The following SEPTIN9 variants were observed in gnomAD, a reference collection of about 807,000 sequenced individuals.
SEPTIN9 encodes septin 9, also known as septin-9.
Under a neutral mutation model 56.6 loss-of-function variants are expected in SEPTIN9, and 13 were observed. The ratio of observed to expected loss-of-function variants is 0.23; its 90% CI spans 0.15 to 0.37. The LOEUF is 0.37. SEPTIN9 is among the 10% of genes least tolerant of loss of function. The probability of loss-of-function intolerance (pLI) is 1.00; values close to 1 mark genes in which losing one functional copy is unlikely to be tolerated. For synonymous variants in SEPTIN9, 332 were observed against 334.1 expected (o/e 0.99, Z 0.07); for missense variants, 650 against 823.1 (o/e 0.79, Z 2.57).
rs1289488254 is a variant in SEPTIN9 at position 77,450,543 on chromosome 17, AG to A, written c.722-31599del. The A allele has an allele frequency of 5.1e-6, 5 of 985,292 alleles. No homozygotes were observed. The highest frequency in any genetic ancestry group is 6.2e-5 in the Admixed American group (1 of 16,260). 61.0% of individuals were successfully genotyped at this position (985,292 alleles called of 1,614,324 possible). Reference sequence around the variant, plus strand: ...CTGGGAGTGACTCACTTGGGTTCAGAGGTCGTGGCACTGAGATGGGTCTGGC... The same window carrying A: ...CTGGGAGTGACTCACTTGGGTTCAGAGTCGTGGCACTGAGATGGGTCTGGC... On this transcript the variant is annotated intron_variant, in intron 3 of 11. Transcript: ENST00000427177. The surrounding 1 kb of genome is among the most constrained non-coding windows in gnomAD (Gnocchi z 6.0).
chr17:77,358,922 C>T (rs1159970719), intron 2 of SEPTIN9, among the ~76,000 whole-genome samples: 1 of 152,160 alleles, frequency 6.6e-6, no homozygotes, highest in Non-Finnish European at 1.5e-5. Flanking sequence ...GTCCAAGTGT[C>T]AGTCGTTATG....
Position 77,307,172 on chromosome 17 carries a change from G to A in SEPTIN9, c.51G>A (p.Arg17=). 6.2e-7 allele frequency: 1 copy of A among 1,613,870 alleles called. No individual in the cohort carries two copies. The highest frequency in any genetic ancestry group is 8.5e-7 in the Non-Finnish European group (1 of 1,179,876). Residue 17 remains arginine, a synonymous_variant, in exon 2 of 12, where the codon CGG becomes CGA. Transcript: ENST00000427177. ...GGTRTSSGRL[R]RLGDSSGPAL... is the part of the protein sequence containing the mutation. ...CGCGGACCTCCAGTGGCCGGCTCCG[G>A]AGGCTTGGTGACTCCAGTGGCCCAG...
At chr17:77,472,605 G>T (rs924598161) in intron 3 of SEPTIN9, 1 of 152,242 alleles carries the variant, frequency 6.6e-6, no homozygotes, top group African/African-American at 2.4e-5. Flanking sequence ...AGTGGAAACC[G>T]GAAAGAGCTC....
chr17:77,401,931 A>G (rs973939363), intron 2 of SEPTIN9, 128 bp from the exon 3 acceptor site: 2 of 871,610 alleles, frequency 2.3e-6, no homozygotes, highest in Admixed American at 2.7e-5. Flanking sequence ...GACATGAAGG[A>G]CGGGAAGAGA....
rs547203428 is a variant in SEPTIN9, at chr17:77,298,225, G to A, written c.20-8916G>A. Among the ~76,000 whole-genome samples the A allele has an allele frequency of 1.6e-4, 25 of 152,326 alleles. No individual in the cohort carries two copies. The South Asian group carries it at 1.7e-3, about 10-fold the overall frequency. On this transcript the variant is annotated intron_variant, in intron 1 of 11. Coordinates refer to ENST00000427177, the MANE Select transcript of SEPTIN9 (RefSeq NM_001113491.2). ...TGTTATTACTACATCACAATTACTA[G>A]GAATAATGGAGTCACCAGGCTTTGC...
rs777046229 is a variant in SEPTIN9 at position 77,498,507 on chromosome 17, C to T, written c.1626-16C>T. 66 of 446,452 alleles carry T rather than the reference C, an allele frequency of 1.5e-4. 1 individual carries two copies. The highest frequency in any genetic ancestry group is 9.2e-4 in the South Asian group (57 of 62,226). 27.7% of individuals were successfully genotyped at this position (446,452 alleles called of 1,614,324 possible). On this transcript the variant is annotated splice_polypyrimidine_tract_variant and intron_variant, in intron 11 of 11. Transcript: ENST00000427177. ...TGCGCCCACCTCACTGACCCGCCCG[C>T]CCCCCACCCCCACAGGACGCACATG...
chr17:77,411,087 G>GA (rs34737205), intron 3 of SEPTIN9, among the ~76,000 whole-genome samples: 6,338 of 132,562 alleles, frequency 0.048, 385 homozygotes, highest in South Asian at 0.14. Context: ...TCCCATCTGG[G>GA]AAAAAAAAAA....
chr17:77,338,011 A>G (rs2033609776), intron 2 of SEPTIN9, among the ~76,000 whole-genome samples: 1 of 152,178 alleles, frequency 6.6e-6, no homozygotes, highest in Non-Finnish European at 1.5e-5. Flanking sequence ...AGCCTGGCCA[A>G]CATGGTGAAA....
At chr17:77,288,013 C>G (rs2031354150) in intron 1 of SEPTIN9, 4 of 1,060,840 alleles carry the variant, frequency 3.8e-6, no homozygotes, top group Non-Finnish European at 1.1e-6. Flanking sequence ...GAGAGGAACC[C>G]TGGATGGCCA....
intron 3 of SEPTIN9, among the ~76,000 whole-genome samples, chr17:77,454,958 G>A (rs2038130940): frequency 6.6e-6 from 1 of 152,114 alleles, no homozygotes; most frequent in African/African-American, 2.4e-5. Flanking sequence ...GGGGGTGGGG[G>A]GTCAGTGCAA....
At chr17:77,442,854 C>G (rs140185970) in intron 3 of SEPTIN9, among the ~76,000 whole-genome samples, 430 of 150,968 alleles carry the variant, frequency 2.8e-3, no homozygotes, top group Middle Eastern at 6.8e-3. Context: ...GTCTGGGCAA[C>G]AGAGTGAGAC....
chr17:77,325,487 C>G (rs1322299238), intron 2 of SEPTIN9, among the ~76,000 whole-genome samples: 1 of 152,202 alleles, frequency 6.6e-6, no homozygotes, highest in African/African-American at 2.4e-5. Context: ...TCAGCTCCTG[C>G]CCAGGACCTG....
chr17:77,413,115 TG>T (rs1367403444), intron 3 of SEPTIN9, among the ~76,000 whole-genome samples: 3 of 151,658 alleles, frequency 2.0e-5, no homozygotes, highest in Admixed American at 6.6e-5. Context: ...TGTGTGTGTG[TG>T]TGTGTGCTAT....
rs76644469 is a variant in SEPTIN9 at position 77,321,103 on chromosome 17, C to T, written c.76+13906C>T. Among the ~76,000 whole-genome samples the T allele has an allele frequency of 1.1e-3, 169 of 152,354 alleles. No homozygotes were observed. In the Middle Eastern group the frequency reaches 0.017, roughly 15 times the overall value. ...CATCTCACGTGGCCAGCGCCGTCAT[C>T]GGTAATTAGCAGTGATGACAGTTTC... On this transcript the variant is annotated intron_variant, in intron 2 of 11. Transcript: ENST00000427177.
intron 1 of SEPTIN9, among the ~76,000 whole-genome samples, chr17:77,290,771 C>G (rs1264800924): frequency 6.7e-6 from 1 of 149,316 alleles, no homozygotes; most frequent in Non-Finnish European, 1.5e-5. Context: ...GCCGAGATTG[C>G]GCCAGTGCAC....
At chr17:77,304,155 G>T (rs1301916300) in intron 1 of SEPTIN9, among the ~76,000 whole-genome samples, 1 of 152,218 alleles carries the variant, frequency 6.6e-6, no homozygotes, top group Non-Finnish European at 1.5e-5. Context: ...CTGAACTGGA[G>T]CCGCTCGTGG....
At position 77,451,267 on chromosome 17, in the gene SEPTIN9, C is replaced by T. The variant is rs919263410; in HGVS notation, c.722-30877C>T. 35 of 679,532 alleles carry T rather than the reference C, an allele frequency of 5.2e-5. No homozygotes were observed. The Admixed American group carries it at 9.4e-4, about 18-fold the overall frequency. 42.1% of individuals were successfully genotyped at this position (679,532 alleles called of 1,614,324 possible). On this transcript the variant is annotated intron_variant, in intron 3 of 11. Coordinates refer to ENST00000427177, the MANE Select transcript of SEPTIN9 (RefSeq NM_001113491.2). The surrounding 1 kb of genome is among the most constrained non-coding windows in gnomAD (Gnocchi z 4.2). ...CCGTGCCTTCAGGTTGCTTCTGCGC[C>T]GGGCCTGCCGCTGGGCGCCCCTATC...
At chr17:77,301,078 C>T (rs993817228) in intron 1 of SEPTIN9, among the ~76,000 whole-genome samples, 1 of 148,594 alleles carries the variant, frequency 6.7e-6, no homozygotes, top group East Asian at 2.0e-4. Flanking sequence ...CTCAAACCAC[C>T]CCCATCCTAG....
rs568191147 is a variant in SEPTIN9, at chr17:77,369,402, C to T, written c.77-32657C>T. 2.5e-4 allele frequency among the ~76,000 whole-genome samples: 38 copies of T among 152,136 alleles called. No individual in the cohort carries two copies. Among genetic ancestry groups the T allele is most frequent in the Middle Eastern group, 6.8e-3 (2 of 294 alleles). ...TGGAGGAGGGAGGTTCAGACTGATT[C>T]GCAGAGAGACTAGAGGTAGAAACGC... On this transcript the variant is annotated intron_variant, in intron 2 of 11. Coordinates refer to ENST00000427177, the MANE Select transcript of SEPTIN9 (RefSeq NM_001113491.2). The surrounding 1 kb of genome is among the most constrained non-coding windows in gnomAD (Gnocchi z 4.9).
Sources: gnomAD v4.1 joint callset for allele counts (sites outside exome capture counted in the v4.1 genomes callset) on GRCh38, gnomAD v4.1.1 for gene constraint, Gnocchi (gnomAD v3.1) non-coding constraint, MANE v1.5 for transcripts, NCBI Gene and HGNC (gene_info 2026-07-23, HGNC 2026-07-21) for gene names.